The following PALM variants were observed in gnomAD, a reference collection of about 807,000 sequenced individuals.
PALM encodes paralemmin, also known as paralemmin-1.
PALM carries 18 observed loss-of-function variants against 30.7 expected under a neutral mutation model. The ratio of observed to expected loss-of-function variants is 0.59; its 90% CI spans 0.41 to 0.87. The LOEUF is 0.87. Among genes scored for constraint, PALM ranks in the 40% least tolerant of loss-of-function variants. The probability of loss-of-function intolerance (pLI) is 0.00; values close to 1 mark genes in which losing one functional copy is unlikely to be tolerated. For missense variants in PALM, 529 were observed against 555.4 expected (o/e 0.95, Z 0.48); for synonymous variants, 286 against 242.8 (o/e 1.18, Z -1.66).
rs2032006106 is a variant in PALM, at chr19:709,659, C to T, written c.5+508C>T. On this transcript the variant is annotated intron_variant, in intron 1 of 8. Transcript: ENST00000338448. The surrounding 1 kb of genome is among the most constrained non-coding windows in gnomAD (Gnocchi z 4.3). ...CACCCCCGCCCTTCCCAAGGGCCTCCAGGGGTGTCCTGAGCCCCCCGCCAC... is the reference window on the plus strand; with the variant it reads ...CACCCCCGCCCTTCCCAAGGGCCTCTAGGGGTGTCCTGAGCCCCCCGCCAC... 6.6e-6 allele frequency among the ~76,000 whole-genome samples: 1 copy of T among 152,098 alleles called. No homozygotes were observed. The highest frequency in any genetic ancestry group is 1.5e-5 in the Non-Finnish European group (1 of 67,968).
intron 1 of PALM, among the ~76,000 whole-genome samples, chr19:720,639 C>CG (rs1402832812): frequency 5.5e-5 from 4 of 72,230 alleles, no homozygotes; most frequent in African/African-American, 1.7e-4. Flanking sequence ...CCCGTGACTG[C>CG]GGGGGCCAGG....
At chr19:743,741 A>G (rs753932492) in intron 8 of PALM, among the ~76,000 whole-genome samples, 1 of 152,062 alleles carries the variant, frequency 6.6e-6, no homozygotes, top group Non-Finnish European at 1.5e-5. Flanking sequence ...GTGTTAGATC[A>G]TAGCAGGGAG....
intron 8 of PALM, among the ~76,000 whole-genome samples, chr19:741,211 G>C (rs34924277): frequency 0.12 from 17,791 of 152,140 alleles, 1,222 homozygotes; most frequent in Admixed American, 0.15. Flanking sequence ...CCAGGGGGCT[G>C]TGAGAAGTCT....
intron 4 of PALM, among the ~76,000 whole-genome samples, chr19:728,518 C>T (rs1294469448): frequency 6.6e-6 from 1 of 152,186 alleles, no homozygotes; most frequent in Non-Finnish European, 1.5e-5. Flanking sequence ...CGTGTAAAGG[C>T]ATGGACAGGC....
chr19:719,420 A>C (rs2032380607), intron 1 of PALM: 2 of 985,164 alleles, frequency 2.0e-6, no homozygotes, highest in African/African-American at 3.5e-5. Context: ...CCACACCGCC[A>C]CACGCCGTAA....
At chr19:728,753 T>C (rs1046172453) in intron 4 of PALM, among the ~76,000 whole-genome samples, 13 of 151,960 alleles carry the variant, frequency 8.6e-5, no homozygotes, top group African/African-American at 2.4e-4. Flanking sequence ...CCTGTAATCC[T>C]GGCACTTTGG....
At chr19:725,402 G>A (rs903336144) in intron 1 of PALM, among the ~76,000 whole-genome samples, 1 of 151,862 alleles carries the variant, frequency 6.6e-6, no homozygotes, top group South Asian at 2.1e-4. Context: ...TCTACTAAAA[G>A]ATACAAAAAT....
intron 1 of PALM, among the ~76,000 whole-genome samples, chr19:713,385 C>T (rs1174837895): frequency 1.3e-5 from 2 of 152,042 alleles, no homozygotes; most frequent in Non-Finnish European, 2.9e-5. Flanking sequence ...CAGTCTCCTC[C>T]GGGCCTCACT....
At chr19:714,334 C>T (rs2032184853) in intron 1 of PALM, among the ~76,000 whole-genome samples, 1 of 150,622 alleles carries the variant, frequency 6.6e-6, no homozygotes, top group Non-Finnish European at 1.5e-5. Flanking sequence ...GCCACCGCGC[C>T]CAGCCTACGT....
chr19:746,747 C>T lies in PALM; in HGVS notation c.1097C>T (p.Ala366Val). The change falls in exon 9 of 9, where the codon GCC becomes GTC. Residue 366 changes from alanine to valine, a missense_variant. Physicochemically the swap from Ala to Val is moderately conservative, Grantham distance 64. Transcript: ENST00000338448. This position sits in a 1 kb window ranked among gnomAD's most constrained non-coding sequence, Gnocchi z 7.1. ...GAAGAGAATCAGGCGGGGCCCGAGGCCACCACCAGCGACCCCCAGGACCTC... is the reference window on the plus strand; with the variant it reads ...GAAGAGAATCAGGCGGGGCCCGAGGTCACCACCAGCGACCCCCAGGACCTC... ...SREENQAGPE[A>V]TTSDPQDLDM... 1.3e-6 allele frequency: 2 copies of T among 1,598,110 alleles called. No homozygotes were observed. Among genetic ancestry groups the T allele is most frequent in the Admixed American group, 1.7e-5 (1 of 58,608 alleles).
rs1285649244 is a variant in PALM, at chr19:746,341, G to A, written c.691G>A (p.Glu231Lys). ...ENGIHPLSSS[E>K]VDELIHKADE... ...CGGGATCCACCCCCTGAGCTCCTCCGAGGTGGACGAACTCATCCACAAAGC... is the reference window on the plus strand; with the variant it reads ...CGGGATCCACCCCCTGAGCTCCTCCAAGGTGGACGAACTCATCCACAAAGC... The change falls in exon 9 of 9, where the codon GAG (glutamate) becomes AAG (lysine). Residue 231 changes from glutamate to lysine, a missense_variant. Physicochemically the swap from Glu to Lys is moderately conservative, Grantham distance 56 (BLOSUM62 1). Coordinates refer to ENST00000338448, the MANE Select transcript of PALM (RefSeq NM_002579.3). This position sits in a 1 kb window ranked among gnomAD's most constrained non-coding sequence, Gnocchi z 7.1. 1.1e-5 allele frequency: 17 copies of A among 1,613,102 alleles called. No individual in the cohort carries two copies. The highest frequency in any genetic ancestry group is 6.7e-5 in the East Asian group (3 of 44,860).
Position 728,173 on chromosome 19 carries a change from G to A in PALM, c.269+479G>A, listed in dbSNP as rs144424172. On this transcript the variant is annotated intron_variant, in intron 4 of 8. Transcript: ENST00000338448. Reference sequence around the variant, plus strand: ...GAGCAGCTGGGCCCGCAGGAAGCTCGGGCGGGGGCAGGAAGGGGACAGGAT... The same window carrying A: ...GAGCAGCTGGGCCCGCAGGAAGCTCAGGCGGGGGCAGGAAGGGGACAGGAT... 1.6e-3 allele frequency among the ~76,000 whole-genome samples: 237 copies of A among 152,328 alleles called. 1 individual carries two copies. Among genetic ancestry groups the A allele is most frequent in the Non-Finnish European group, 2.4e-3 (165 of 68,016 alleles).
chr19:733,554 A>G (rs2032932583), intron 5 of PALM, among the ~76,000 whole-genome samples: 1 of 152,228 alleles, frequency 6.6e-6, no homozygotes, highest in African/African-American at 2.4e-5. Context: ...TGAGCCTCGC[A>G]CAGTGGCTCC....
At position 711,221 on chromosome 19, in the gene PALM, A is replaced by T. The variant is rs1298673271; in HGVS notation, c.5+2070A>T. 4 of 980,676 alleles carry T rather than the reference A, an allele frequency of 4.1e-6. No homozygotes were observed. In the Admixed American group the frequency reaches 1.8e-4, roughly 45 times the overall value. The allele number at this position is 980,676 out of a possible 1,614,324, so 60.7% of individuals were successfully genotyped here. Reference sequence around the variant, plus strand: ...AAGGTGAGGAGAACGTCCAGGAAGGAGCTGGGGAGAATCTCTGCTTCGGAG... The same window carrying T: ...AAGGTGAGGAGAACGTCCAGGAAGGTGCTGGGGAGAATCTCTGCTTCGGAG... On this transcript the variant is annotated intron_variant, in intron 1 of 8. Coordinates refer to ENST00000338448, the MANE Select transcript of PALM (RefSeq NM_002579.3).
intron 7 of PALM, among the ~76,000 whole-genome samples, chr19:739,998 G>C (rs74686031): frequency 2.7e-4 from 41 of 152,116 alleles, no homozygotes; most frequent in African/African-American, 9.6e-4. Context: ...AACAATGAAG[G>C]CTTTCCAGAT....
rs776514309 is a variant in PALM, at chr19:746,483, C to A, written c.833C>A (p.Ala278Glu). ...PSRREITGVQ[A>E]QPGEATSGPP... is the part of the protein sequence containing the mutation. ...CGGCGGGAGATCACCGGTGTGCAGG[C>A]ACAGCCAGGCGAGGCCACGTCCGGC... The change falls in exon 9 of 9, where the codon GCA becomes GAA. Residue 278 changes from alanine to glutamate, a missense_variant. By Grantham distance (107) the Ala-to-Glu change is moderately radical. Coordinates refer to ENST00000338448, the MANE Select transcript of PALM (RefSeq NM_002579.3). The surrounding 1 kb of genome is among the most constrained non-coding windows in gnomAD (Gnocchi z 7.1). 1.9e-6 allele frequency: 3 copies of A among 1,610,888 alleles called. No individual in the cohort carries two copies. In the South Asian group the frequency reaches 3.3e-5, roughly 18 times the overall value.
intron 8 of PALM, among the ~76,000 whole-genome samples, chr19:741,556 A>G: frequency 4.5e-5 from 6 of 132,634 alleles, no homozygotes; most frequent in Admixed American, 7.8e-5. Flanking sequence ...GTGAGGGGAG[A>G]CGGGCTGCAG....
rs1311602967 is a variant in PALM at position 742,258 on chromosome 19, C to T, written c.634+1775C>T. On this transcript the variant is annotated intron_variant, in intron 8 of 8. Transcript: ENST00000338448. This position sits in a 1 kb window ranked among gnomAD's most constrained non-coding sequence, Gnocchi z 5.5. ...CTATCCCCTCCCCAGCTCTGGCACC[C>T]ACGCATCCCCTCCTGTCTCTCTGGA... is the stretch of plus-strand genomic sequence containing the variant. 6.6e-6 allele frequency among the ~76,000 whole-genome samples: 1 copy of T among 152,128 alleles called. No individual in the cohort carries two copies. Among genetic ancestry groups the T allele is most frequent in the Non-Finnish European group, 1.5e-5 (1 of 68,032 alleles).
chr19:734,329 G>A (rs1385346008), intron 6 of PALM, 135 bp downstream of exon 6: 5 of 787,152 alleles, frequency 6.4e-6, no homozygotes, highest in Non-Finnish European at 1.0e-5. Flanking sequence ...GGAGGCCGAG[G>A]CGGGTAGATC....
Sources: gnomAD v4.1 joint callset for allele counts (sites outside exome capture counted in the v4.1 genomes callset) on GRCh38, gnomAD v4.1.1 for gene constraint, Gnocchi (gnomAD v3.1) non-coding constraint, MANE v1.5 for transcripts, NCBI Gene and HGNC (gene_info 2026-07-23, HGNC 2026-07-21) for gene names.